The following NUDCD1 variants were observed in gnomAD, a reference collection of about 807,000 sequenced individuals.
NUDCD1 encodes nudC domain-containing protein 1.
Under a neutral mutation model 67.8 loss-of-function variants are expected in NUDCD1, and 60 were observed. The observed-to-expected ratio is 0.88, with a 90% CI of 0.72 to 1.10. NUDCD1 has a LOEUF of 1.10. Among genes scored for constraint, NUDCD1 ranks in the 50% least tolerant of loss-of-function variants. NUDCD1 has a pLI of 0.00. For missense variants in NUDCD1, 643 were observed against 695.0 expected (o/e 0.93, Z 0.84); for synonymous variants, 244 against 230.8 (o/e 1.06, Z -0.52).
Position 109,289,936 on chromosome 8 carries a change from G to A in NUDCD1, c.641-3C>T, listed in dbSNP as rs773054051. 1 of 1,372,978 alleles carries A rather than the reference G, an allele frequency of 7.3e-7. No individual in the cohort carries two copies. Among genetic ancestry groups the A allele is most frequent in the Non-Finnish European group, 9.8e-7 (1 of 1,016,026 alleles). 85.0% of individuals were successfully genotyped at this position (1,372,978 alleles called of 1,614,324 possible). A position where few individuals can be genotyped will look rare whatever the true frequency, so the allele number is the denominator to read the frequency against. The stretch of plus-strand genomic sequence containing the variant: ...AATAATTTCATATTTTTTATTATCT[G>A]TAAGAAAAGTATTTCAGAACAAAAC... On this transcript the variant is annotated splice_region_variant and splice_polypyrimidine_tract_variant and intron_variant, in intron 4 of 9. Coordinates refer to ENST00000239690, the MANE Select transcript of NUDCD1 (RefSeq NM_032869.4).
chr8:109,321,240 G>C (rs1815527016), intron 2 of NUDCD1, among the ~76,000 whole-genome samples: 2 of 152,162 alleles, frequency 1.3e-5, no homozygotes, highest in Admixed American at 1.3e-4. Context: ...GCTGTTTGAA[G>C]CAAATATATT....
chr8:109,322,534 T>C, intron 1 of NUDCD1, 71 bp from the exon 2 acceptor site: 2 of 1,188,840 alleles, frequency 1.7e-6, no homozygotes, highest in Non-Finnish European at 2.4e-6. Context: ...GTAGAATGCC[T>C]ACAAGGCAAA....
At chr8:109,331,461 A>T in intron 1 of NUDCD1, among the ~76,000 whole-genome samples, 1 of 150,264 alleles carries the variant, frequency 6.7e-6, no homozygotes, top group African/African-American at 2.5e-5. Context: ...GGTTGCAATG[A>T]GACGAGATCA....
chr8:109,245,988 C>T lies in NUDCD1; in HGVS notation c.1300-507G>A, dbSNP rs530284108. The stretch of plus-strand genomic sequence containing the variant: ...TTAGATTCTCACAGGAGGGTGAACA[C>T]TATTGTGAAATGCACATGCAAGGGA... On this transcript the variant is annotated intron_variant, in intron 8 of 9. Transcript: ENST00000239690. Among the ~76,000 whole-genome samples the T allele has an allele frequency of 1.3e-3, 195 of 152,232 alleles. 4 individuals carry two copies. Among genetic ancestry groups the T allele is most frequent in the Non-Finnish European group, 1.1e-3 (72 of 68,014 alleles).
chr8:109,294,833 C>T (rs917092581), intron 3 of NUDCD1, among the ~76,000 whole-genome samples: 1 of 152,016 alleles, frequency 6.6e-6, no homozygotes, highest in Non-Finnish European at 1.5e-5. Flanking sequence ...CCCTTACCCC[C>T]CACCATGCTC....
At chr8:109,255,411 AG>A (rs1813705438) in intron 8 of NUDCD1, among the ~76,000 whole-genome samples, 1 of 152,234 alleles carries the variant, frequency 6.6e-6, no homozygotes, top group South Asian at 2.1e-4. Flanking sequence ...ACTGAAGCAT[AG>A]GAAGATGTCA....
chr8:109,330,673 G>A (rs555194293), intron 1 of NUDCD1, among the ~76,000 whole-genome samples: 1 of 152,130 alleles, frequency 6.6e-6, no homozygotes, highest in African/African-American at 2.4e-5. Flanking sequence ...TACTTAAAAT[G>A]TGGTACACAT....
chr8:109,309,625 A>T (rs1432819865), intron 2 of NUDCD1, among the ~76,000 whole-genome samples: 1 of 152,218 alleles, frequency 6.6e-6, no homozygotes, highest in Non-Finnish European at 1.5e-5. Context: ...TCAAAGAGAA[A>T]GAAATAAAGG....
intron 1 of NUDCD1, among the ~76,000 whole-genome samples, chr8:109,330,719 A>G (rs1295222990): frequency 1.3e-5 from 2 of 152,220 alleles, no homozygotes; most frequent in Non-Finnish European, 2.9e-5. Flanking sequence ...AAAAAGGAAC[A>G]CAATCATATC....
intron 9 of NUDCD1, among the ~76,000 whole-genome samples, chr8:109,243,675 T>C (rs1364445125): frequency 2.0e-5 from 3 of 152,216 alleles, no homozygotes; most frequent in Non-Finnish European, 4.4e-5. Flanking sequence ...GAGTTACGGA[T>C]AGGGCATCAC....
At chr8:109,290,352 T>G (rs1199638404) in intron 4 of NUDCD1, among the ~76,000 whole-genome samples, 3 of 152,034 alleles carry the variant, frequency 2.0e-5, no homozygotes, top group African/African-American at 7.2e-5. Context: ...ACCCCAGAAC[T>G]CCAACATGAC....
intron 2 of NUDCD1, among the ~76,000 whole-genome samples, chr8:109,320,508 C>CT (rs1333700673): frequency 2.0e-5 from 3 of 152,144 alleles, no homozygotes; most frequent in Non-Finnish European, 4.4e-5. Context: ...TTATCCTGTT[C>CT]TTTTTTCAAG....
At chr8:109,306,176 G>A (rs533931917) in intron 2 of NUDCD1, among the ~76,000 whole-genome samples, 16 of 152,038 alleles carry the variant, frequency 1.1e-4, no homozygotes, top group Admixed American at 5.2e-4. Flanking sequence ...CCAAACTATC[G>A]TAGTGGATAT....
intron 2 of NUDCD1, among the ~76,000 whole-genome samples, chr8:109,309,028 T>C (rs902307852): frequency 3.3e-5 from 5 of 150,286 alleles, no homozygotes; most frequent in African/African-American, 1.2e-4. Flanking sequence ...TTCTACCAGA[T>C]GTTCAAAGAA....
At chr8:109,263,350 A>G (rs1262121117) in intron 8 of NUDCD1, among the ~76,000 whole-genome samples, 1 of 152,148 alleles carries the variant, frequency 6.6e-6, no homozygotes, top group African/African-American at 2.4e-5. Context: ...CAAGTTCCCT[A>G]AGCTCAAGTT....
At chr8:109,314,932 C>T (rs938555514) in intron 2 of NUDCD1, among the ~76,000 whole-genome samples, 10 of 151,892 alleles carry the variant, frequency 6.6e-5, no homozygotes, top group African/African-American at 2.4e-4. Flanking sequence ...ATAGAAAGGG[C>T]TACTCAAGTT....
intron 1 of NUDCD1, among the ~76,000 whole-genome samples, chr8:109,325,055 A>T (rs1357790515): frequency 6.6e-6 from 1 of 152,160 alleles, no homozygotes; most frequent in Non-Finnish European, 1.5e-5. Context: ...GCTCCACTGC[A>T]CTCCAGCCTG....
intron 1 of NUDCD1, among the ~76,000 whole-genome samples, chr8:109,330,346 A>T (rs1421730293): frequency 6.6e-6 from 1 of 152,240 alleles, no homozygotes; most frequent in East Asian, 1.9e-4. Context: ...CATCATCTTT[A>T]CATCTTAAAT....
In NUDCD1 at chr8:109,296,548, G is replaced by C; in HGVS notation, c.295C>G (p.Arg99Gly). The C allele has an allele frequency of 2.5e-6, 4 of 1,607,694 alleles. No homozygotes were observed. The highest frequency in any genetic ancestry group is 3.4e-6 in the Non-Finnish European group (4 of 1,175,462). ...TCTGTAGGAAGTCGAAACACCTCTC[G>C]TGGTTTTCCTAAGGCAGTGTCCTAA... is the stretch of plus-strand genomic sequence containing the variant. ...VMLDTALGKP[R>G]EVFRLPTDLT... is the part of the protein sequence containing the mutation. Residue 99 changes from arginine (R) to glycine (G), a missense_variant, in exon 3 of 10, where the codon CGA becomes GGA. Coordinates refer to ENST00000239690, the MANE Select transcript of NUDCD1 (RefSeq NM_032869.4).
Sources: allele counts gnomAD v4.1 joint callset (sites outside exome capture counted in the v4.1 genomes callset), GRCh38; gene constraint gnomAD v4.1.1; transcripts MANE v1.5; gene names NCBI Gene and HGNC (gene_info 2026-07-23, HGNC 2026-07-21).